CACNG3: variants seen among roughly 807,000 people sequenced by gnomAD.
The protein encoded by CACNG3 is voltage-dependent calcium channel gamma-3 subunit.
CACNG3 carries 3 observed loss-of-function variants against 28.5 expected under a neutral mutation model. That is an observed-to-expected ratio of 0.11 (90% CI 0.05 to 0.27). The LOEUF (loss-of-function observed/expected upper bound fraction) is 0.27. CACNG3 is among the 10% of genes least tolerant of loss of function. The pLI is 1.00. For synonymous variants in CACNG3, 174 were observed against 162.2 expected (o/e 1.07, Z -0.55); for missense variants, 236 against 414.4 (o/e 0.57, Z 3.74).
intron 1 of CACNG3, among the ~76,000 whole-genome samples, chr16:24,281,857 CTA>C (rs1416187526): frequency 6.6e-6 from 1 of 152,196 alleles, no homozygotes; most frequent in Non-Finnish European, 1.5e-5. Context: ...GAAAACAAAA[CTA>C]TAGCAAGATT....
At chr16:24,340,998 G>T (rs1156421108) in intron 1 of CACNG3, among the ~76,000 whole-genome samples, 3 of 152,168 alleles carry the variant, frequency 2.0e-5, no homozygotes, top group Non-Finnish European at 4.4e-5. Flanking sequence ...CTTCATCCTT[G>T]CAGTCTGCAT....
At chr16:24,275,226 A>G (rs887388166) in intron 1 of CACNG3, among the ~76,000 whole-genome samples, 13 of 152,082 alleles carry the variant, frequency 8.5e-5, no homozygotes, top group Admixed American at 6.6e-4. Context: ...GCTTTTTTCA[A>G]TGTGTTAAAA....
At chr16:24,258,465 T>A (rs1200826665) in intron 1 of CACNG3, among the ~76,000 whole-genome samples, 2 of 152,224 alleles carry the variant, frequency 1.3e-5, no homozygotes, top group African/African-American at 4.8e-5. Context: ...TCTCAGTTTA[T>A]TCATCTGGGA....
At chr16:24,282,246 G>A (rs545041341) in intron 1 of CACNG3, among the ~76,000 whole-genome samples, 34 of 152,268 alleles carry the variant, frequency 2.2e-4, no homozygotes, top group African/African-American at 8.2e-4. Flanking sequence ...GTGGAACAGA[G>A]ACTAGAATCC....
intron 1 of CACNG3, among the ~76,000 whole-genome samples, chr16:24,313,783 C>T (rs1238306580): frequency 2.0e-5 from 3 of 152,014 alleles, no homozygotes; most frequent in African/African-American, 4.8e-5. Context: ...CTGGTTCTGT[C>T]GCCCAGGCTG....
chr16:24,304,037 A>C lies in CACNG3; in HGVS notation c.212-42697A>C, dbSNP rs542465333. Among the ~76,000 whole-genome samples the C allele has an allele frequency of 2.0e-5, 3 of 152,338 alleles. No homozygotes were observed. The South Asian group carries it at 6.2e-4, about 32-fold the overall frequency. Reference sequence around the variant, plus strand: ...CATAGAGAGACCCCCATTTTTAAAAAGTAAATAAAATAAAATAAAAACAAT... The same window carrying C: ...CATAGAGAGACCCCCATTTTTAAAACGTAAATAAAATAAAATAAAAACAAT... On this transcript the variant is annotated intron_variant, in intron 1 of 3. Transcript: ENST00000005284.
chr16:24,341,135 G>A (rs1016673921), intron 1 of CACNG3, among the ~76,000 whole-genome samples: 16 of 152,230 alleles, frequency 1.1e-4, no homozygotes, highest in African/African-American at 2.9e-4. Context: ...AGAACAGCAC[G>A]ATCCCAGTTT....
chr16:24,287,514 C>CA (rs748719520), intron 1 of CACNG3, among the ~76,000 whole-genome samples: 3,675 of 28,800 alleles, frequency 0.13, 125 homozygotes, highest in African/African-American at 0.22. Context: ...CGAGACTCTC[C>CA]AAAAAAAAAA....
At chr16:24,274,195 A>AC (rs1217671913) in intron 1 of CACNG3, among the ~76,000 whole-genome samples, 1 of 146,976 alleles carries the variant, frequency 6.8e-6, no homozygotes, top group Admixed American at 6.7e-5. Context: ...TCAAAAAAAA[A>AC]AAAAACAAAA....
At chr16:24,275,204 A>G (rs979627785) in intron 1 of CACNG3, among the ~76,000 whole-genome samples, 1 of 152,150 alleles carries the variant, frequency 6.6e-6, no homozygotes, top group African/African-American at 2.4e-5. Flanking sequence ...CAAAAAAAAA[A>G]AGATATGATT....
At chr16:24,345,097 C>T (rs1567223744) in intron 1 of CACNG3, among the ~76,000 whole-genome samples, 1 of 152,186 alleles carries the variant, frequency 6.6e-6, no homozygotes, top group African/African-American at 2.4e-5. Flanking sequence ...TAATAAGTGT[C>T]AGCCATTATT....
At chr16:24,261,475 C>G (rs1027021168) in intron 1 of CACNG3, among the ~76,000 whole-genome samples, 10 of 152,146 alleles carry the variant, frequency 6.6e-5, no homozygotes, top group Admixed American at 2.0e-4. Context: ...GCAACTCTTT[C>G]AACTTTTTAA....
At chr16:24,266,716 A>G (rs1172862807) in intron 1 of CACNG3, among the ~76,000 whole-genome samples, 1 of 152,156 alleles carries the variant, frequency 6.6e-6, no homozygotes, top group Non-Finnish European at 1.5e-5. Flanking sequence ...GACAATGTCT[A>G]CTACTAGAAG....
chr16:24,273,038 T>C (rs1278074838), intron 1 of CACNG3, among the ~76,000 whole-genome samples: 1 of 152,152 alleles, frequency 6.6e-6, no homozygotes, highest in African/African-American at 2.4e-5. Context: ...GTTGTTCCCC[T>C]CTATGTGTCC....
chr16:24,323,239 A>G (rs865842557), intron 1 of CACNG3, among the ~76,000 whole-genome samples: 2,247 of 142,854 alleles, frequency 0.016, 36 homozygotes, highest in South Asian at 0.033. Flanking sequence ...AAAAAAAAAA[A>G]AGAGAGAGAG....
chr16:24,328,028 A>G (rs1366246147), intron 1 of CACNG3, among the ~76,000 whole-genome samples: 1 of 152,178 alleles, frequency 6.6e-6, no homozygotes, highest in Non-Finnish European at 1.5e-5. Context: ...TTATTTAACA[A>G]CCTACTATGT....
At chr16:24,278,836 T>C (rs543344277) in intron 1 of CACNG3, among the ~76,000 whole-genome samples, 72 of 152,336 alleles carry the variant, frequency 4.7e-4, no homozygotes, top group African/African-American at 5.3e-4. Context: ...ACTCAAATGA[T>C]ATAACTCCAT....
chr16:24,334,840 G>A lies in CACNG3; in HGVS notation c.212-11894G>A, dbSNP rs530235932. Among the ~76,000 whole-genome samples, 9 of 152,258 alleles carry A rather than the reference G, an allele frequency of 5.9e-5. No homozygotes were observed. In the South Asian group the frequency reaches 8.3e-4, roughly 14 times the overall value. On this transcript the variant is annotated intron_variant, in intron 1 of 3. Transcript: ENST00000005284. ...CCTGGGGCTCCTTGCCTGGGTTAGC[G>A]CTCTGTGAGAATACACACGCATGCA...
At chr16:24,324,557 C>G (rs981154932) in intron 1 of CACNG3, among the ~76,000 whole-genome samples, 4 of 152,140 alleles carry the variant, frequency 2.6e-5, no homozygotes, top group African/African-American at 9.7e-5. Flanking sequence ...CAGTTTAGCT[C>G]AAATCACCAT....
Sources: gnomAD v4.1 joint callset for allele counts (sites outside exome capture counted in the v4.1 genomes callset) on GRCh38, gnomAD v4.1.1 for gene constraint, MANE v1.5 for transcripts, NCBI Gene and HGNC (gene_info 2026-07-23, HGNC 2026-07-21) for gene names.